Variants in FCHSD2 observed in about 807,000 individuals in gnomAD.
FCHSD2 encodes FCH and double SH3 domains 2.
In FCHSD2, 38 loss-of-function variants were observed where a neutral mutation model predicts 108.1. That is an observed-to-expected ratio of 0.35 (90% CI 0.27 to 0.46). The LOEUF is 0.46. Among genes scored for constraint, FCHSD2 ranks in the 20% least tolerant of loss-of-function variants. FCHSD2 has a pLI of 1.00. For synonymous variants in FCHSD2, 279 were observed against 314.7 expected (o/e 0.89, Z 1.20); for missense variants, 751 against 897.8 (o/e 0.84, Z 2.09).
intron 3 of FCHSD2, among the ~76,000 whole-genome samples, chr11:73,059,592 T>C (rs1301552227): frequency 6.6e-6 from 1 of 152,186 alleles, no homozygotes; most frequent in East Asian, 1.9e-4. Context: ...TAATCTTCTT[T>C]CCATGGTAAG....
At chr11:72,957,578 C>T (rs1591434602) in intron 8 of FCHSD2, among the ~76,000 whole-genome samples, 1 of 150,562 alleles carries the variant, frequency 6.6e-6, no homozygotes, top group Middle Eastern at 3.4e-3. Context: ...TGGATTGGAT[C>T]TCAAGTCAGA....
chr11:72,981,804 C>T (rs1031399938), intron 8 of FCHSD2, among the ~76,000 whole-genome samples: 2 of 152,250 alleles, frequency 1.3e-5, no homozygotes, highest in African/African-American at 4.8e-5. Flanking sequence ...AGTGAGACCA[C>T]GCCTCTGCGA....
At chr11:72,881,974 T>G (rs1855098207) in intron 12 of FCHSD2, among the ~76,000 whole-genome samples, 1 of 151,814 alleles carries the variant, frequency 6.6e-6, no homozygotes, top group African/African-American at 2.4e-5. Context: ...ACCCCATCTC[T>G]ACTAAAAATA....
At chr11:73,137,803 CA>C (rs1861158004) in intron 2 of FCHSD2, among the ~76,000 whole-genome samples, 1 of 152,086 alleles carries the variant, frequency 6.6e-6, no homozygotes, top group Admixed American at 6.6e-5. Context: ...GTGACCAGAG[CA>C]GGGGGAAGAA....
intron 8 of FCHSD2, among the ~76,000 whole-genome samples, chr11:72,934,959 C>T (rs551815589): frequency 3.9e-5 from 6 of 152,278 alleles, no homozygotes; most frequent in South Asian, 2.1e-4. Context: ...TAAGCAGCCA[C>T]GTCCTTTCCA....
At chr11:72,940,435 G>A in intron 8 of FCHSD2, 1 of 623,020 alleles carries the variant, frequency 1.6e-6, no homozygotes, top group South Asian at 1.9e-5. Flanking sequence ...TATAATATGT[G>A]GCAATAAATA....
At chr11:72,877,361 T>C (rs1043661223) in intron 12 of FCHSD2, among the ~76,000 whole-genome samples, 7 of 152,156 alleles carry the variant, frequency 4.6e-5, no homozygotes, top group Non-Finnish European at 8.8e-5. Flanking sequence ...AAATTCTGGT[T>C]GTGCTGCTCC....
At chr11:73,110,250 G>A (rs1247426937) in intron 2 of FCHSD2, among the ~76,000 whole-genome samples, 1 of 151,662 alleles carries the variant, frequency 6.6e-6, no homozygotes, top group African/African-American at 2.4e-5. Flanking sequence ...TTTCAGAATA[G>A]TTTGACAGCA....
chr11:73,064,582 G>A (rs1013558783), intron 3 of FCHSD2, among the ~76,000 whole-genome samples: 4 of 151,846 alleles, frequency 2.6e-5, no homozygotes, highest in African/African-American at 7.2e-5. Flanking sequence ...TCAAACAGAC[G>A]CAATAAAAAA....
At chr11:73,039,083 T>C (rs1365572659) in intron 3 of FCHSD2, among the ~76,000 whole-genome samples, 1 of 152,242 alleles carries the variant, frequency 6.6e-6, no homozygotes, top group East Asian at 1.9e-4. Context: ...AGAATCACTG[T>C]TTATTTTTAT....
chr11:72,931,023 T>A (rs61450188), intron 8 of FCHSD2, among the ~76,000 whole-genome samples: 2 of 151,756 alleles, frequency 1.3e-5, no homozygotes, highest in Non-Finnish European at 2.9e-5. Flanking sequence ...ATTGCATGCC[T>A]GTATCAAAAC....
intron 9 of FCHSD2, among the ~76,000 whole-genome samples, chr11:72,917,249 T>C (rs1032266616): frequency 2.6e-5 from 4 of 152,144 alleles, no homozygotes; most frequent in Non-Finnish European, 5.9e-5. Context: ...TCTCAAAGTG[T>C]TGGGATTACA....
intron 2 of FCHSD2, among the ~76,000 whole-genome samples, chr11:73,133,884 G>A (rs1430830234): frequency 2.0e-5 from 3 of 151,586 alleles, no homozygotes; most frequent in Admixed American, 2.0e-4. Flanking sequence ...TAGATAAGTG[G>A]TTGCTTAAGG....
chr11:72,966,806 C>T (rs972099619), intron 8 of FCHSD2, among the ~76,000 whole-genome samples: 7 of 151,964 alleles, frequency 4.6e-5, no homozygotes, highest in African/African-American at 1.5e-4. Flanking sequence ...AGGAAAAAAA[C>T]CTGACGCTAG....
intron 5 of FCHSD2, among the ~76,000 whole-genome samples, chr11:72,991,026 G>C (rs1857401581): frequency 1.3e-5 from 2 of 151,866 alleles, no homozygotes; most frequent in South Asian, 4.2e-4. Flanking sequence ...ATGATAAAGG[G>C]GATATCACCA....
intron 8 of FCHSD2, among the ~76,000 whole-genome samples, chr11:72,969,597 A>G (rs1471581348): frequency 6.6e-6 from 1 of 152,244 alleles, no homozygotes; most frequent in Non-Finnish European, 1.5e-5. Context: ...TACAAGAAGC[A>G]TCGAAGATAT....
At chr11:73,003,867 G>A (rs1204248087) in intron 4 of FCHSD2, among the ~76,000 whole-genome samples, 1 of 151,582 alleles carries the variant, frequency 6.6e-6, no homozygotes, top group African/African-American at 2.4e-5. Flanking sequence ...AGCACTCTGG[G>A]AGGCCAAGGT....
In FCHSD2 at chr11:72,842,763, C is replaced by G. The variant is rs748017056; in HGVS notation, c.1784G>C (p.Arg595Pro). 4.3e-6 allele frequency: 7 copies of G among 1,613,788 alleles called. No individual in the cohort carries two copies. In the Admixed American group the frequency reaches 1.0e-4, roughly 23 times the overall value. The change falls in exon 17 of 20, where the codon CGT becomes CCT. Residue 595 changes from arginine to proline, a missense_variant. Arg to Pro is a moderately radical substitution (Grantham distance 103). Coordinates refer to ENST00000409418, the MANE Select transcript of FCHSD2 (RefSeq NM_014824.3). ...ELSFPEGAII[R>P]ILNKENQDDD... ...ATCTTGGTTTTCTTTGTTCAAGATA[C>G]GGATTATTGCTCCCTCAGGAAAAGA...
At chr11:72,952,055 T>C (rs1019975351) in intron 8 of FCHSD2, among the ~76,000 whole-genome samples, 1 of 152,264 alleles carries the variant, frequency 6.6e-6, no homozygotes, top group Non-Finnish European at 1.5e-5. Context: ...TGAAGCTTCA[T>C]GGTAGGTCTG....
Sources: gnomAD v4.1 joint callset for allele counts (sites outside exome capture counted in the v4.1 genomes callset) on GRCh38, gnomAD v4.1.1 for gene constraint, MANE v1.5 for transcripts, NCBI Gene and HGNC (gene_info 2026-07-23, HGNC 2026-07-21) for gene names.